The following GALNT2 variants were observed in gnomAD, a reference collection of about 807,000 sequenced individuals.
GALNT2 encodes UDP-GalNAc:polypeptide N-acetylgalactosaminyltransferase 2.
Under a neutral mutation model 81.4 loss-of-function variants are expected in GALNT2, and 31 were observed. That is an observed-to-expected ratio of 0.38 (90% confidence interval 0.29 to 0.51). The LOEUF is 0.51. GALNT2 is among the 20% of genes least tolerant of loss of function. GALNT2 has a pLI of 0.87. For missense variants in GALNT2, 629 were observed against 765.7 expected (o/e 0.82, Z 2.11); for synonymous variants, 303 against 287.4 (o/e 1.05, Z -0.55).
At chr1:230,197,288 T>C (rs1195070249) in intron 2 of GALNT2, among the ~76,000 whole-genome samples, 1 of 152,038 alleles carries the variant, frequency 6.6e-6, no homozygotes, top group East Asian at 1.9e-4. Flanking sequence ...CACAGCGCTA[T>C]GGGGAGGGCG....
chr1:230,143,825 C>G (rs1484909005), intron 1 of GALNT2, among the ~76,000 whole-genome samples: 1 of 152,218 alleles, frequency 6.6e-6, no homozygotes, highest in Non-Finnish European at 1.5e-5. Context: ...AACTGTCGCC[C>G]TGCTCAGCGA....
intron 1 of GALNT2, among the ~76,000 whole-genome samples, chr1:230,114,357 A>G (rs1420575893): frequency 1.3e-5 from 2 of 152,220 alleles, no homozygotes; most frequent in Non-Finnish European, 2.9e-5. Flanking sequence ...TGAGCCCTGG[A>G]AGAAGAGAAC....
At chr1:230,190,164 G>A (rs1294968658) in intron 2 of GALNT2, among the ~76,000 whole-genome samples, 1 of 152,220 alleles carries the variant, frequency 6.6e-6, no homozygotes, top group Non-Finnish European at 1.5e-5. Context: ...AGCAAGCAAT[G>A]TGTGTATTGT....
chr1:230,192,039 C>T (rs938000027), intron 2 of GALNT2, among the ~76,000 whole-genome samples: 1 of 152,234 alleles, frequency 6.6e-6, no homozygotes, highest in Admixed American at 6.5e-5. Context: ...GACAGGAACA[C>T]CTGCTCTCAA....
At chr1:230,249,813 A>G (rs1187811017) in intron 9 of GALNT2, among the ~76,000 whole-genome samples, 2 of 152,234 alleles carry the variant, frequency 1.3e-5, no homozygotes, top group African/African-American at 4.8e-5. Context: ...TTCACAGAGT[A>G]CTTAGCGCTG....
chr1:230,234,630 T>A (rs1164695529), intron 3 of GALNT2, among the ~76,000 whole-genome samples: 1 of 152,202 alleles, frequency 6.6e-6, no homozygotes. Context: ...CCAAAGCCTC[T>A]TTTCCAAGCT....
At chr1:230,107,462 C>T (rs548404962) in intron 1 of GALNT2, among the ~76,000 whole-genome samples, 1 of 152,254 alleles carries the variant, frequency 6.6e-6, no homozygotes, top group African/African-American at 2.4e-5. Context: ...CACCTGTAGT[C>T]CCACCTACTC....
At chr1:230,236,813 A>G in intron 6 of GALNT2, 88 bp downstream of exon 6, 1 of 1,316,246 alleles carries the variant, frequency 7.6e-7, no homozygotes, top group African/African-American at 1.5e-5. Flanking sequence ...TCAAAGAGCA[A>G]TTAATTGTCT....
intron 1 of GALNT2, among the ~76,000 whole-genome samples, chr1:230,129,904 T>C (rs554131982): frequency 6.6e-6 from 1 of 152,354 alleles, no homozygotes; most frequent in East Asian, 1.9e-4. Flanking sequence ...GCCAAGCTCC[T>C]GGCTCCGCAG....
intron 1 of GALNT2, among the ~76,000 whole-genome samples, chr1:230,123,841 C>T (rs1048973218): frequency 5.3e-5 from 8 of 152,178 alleles, no homozygotes; most frequent in Admixed American, 3.3e-4. Context: ...TCTCAGCATG[C>T]GTGGTTTTGA....
intron 1 of GALNT2, among the ~76,000 whole-genome samples, chr1:230,165,269 C>G (rs1470378045): frequency 1.3e-5 from 2 of 152,156 alleles, no homozygotes; most frequent in Non-Finnish European, 2.9e-5. Flanking sequence ...AACTTTGTCT[C>G]CTGCTTTTTC....
intron 1 of GALNT2, among the ~76,000 whole-genome samples, chr1:230,058,700 A>C (rs1005257982): frequency 6.6e-6 from 1 of 152,192 alleles, no homozygotes; most frequent in Non-Finnish European, 1.5e-5. Context: ...CGATTCCTTT[A>C]ACCTAAATCA....
Position 230,243,185 on chromosome 1 carries a change from A to G in GALNT2, c.608-121A>G. On this transcript the variant is annotated intron_variant, in intron 6 of 15. Transcript: ENST00000366672. The surrounding 1 kb of genome is among the most constrained non-coding windows in gnomAD (Gnocchi z 4.2). ...GATCTCATCCAGCAAGTTTACAGTA[A>G]TGTCCGTGCCCAGAAAGCAGGCTGC... 1 of 1,306,058 alleles carries G rather than the reference A, an allele frequency of 7.7e-7. No individual in the cohort carries two copies. Among genetic ancestry groups the G allele is most frequent in the Non-Finnish European group, 1.0e-6 (1 of 973,592 alleles). The allele number at this position is 1,306,058 out of a possible 1,614,324, so 80.9% of individuals were successfully genotyped here.
At position 230,200,071 on chromosome 1, in the gene GALNT2, T is replaced by C. The variant is rs573243391; in HGVS notation, c.221-3066T>C. ...TTTAATTCTTTTTTTTCTTTTTTTT[T>C]TTTTTTTTTGAGATGGAGTCTTGCA... On this transcript the variant is annotated intron_variant, in intron 2 of 15. Coordinates refer to ENST00000366672, the MANE Select transcript of GALNT2 (RefSeq NM_004481.5). 8.4e-4 allele frequency among the ~76,000 whole-genome samples: 124 copies of C among 148,036 alleles called. 2 individuals carry two copies. In the Middle Eastern group the frequency reaches 0.014, roughly 17 times the overall value.
chr1:230,279,471 G>C lies in GALNT2; in HGVS notation c.*13G>C, dbSNP rs1427505188. The stretch of plus-strand genomic sequence containing the variant: ...CCTGCAGCAGTAGGAGGGTCCGGGA[G>C]GCCCTGCCGTCCTGTCTCCTGCACC... On this transcript the variant is annotated 3_prime_UTR_variant, in exon 16 of 16. Transcript: ENST00000366672. This position sits in a 1 kb window ranked among gnomAD's most constrained non-coding sequence, Gnocchi z 4.6. 1 of 1,612,296 alleles carries C rather than the reference G, an allele frequency of 6.2e-7. No individual in the cohort carries two copies.
At chr1:230,081,578 G>A (rs1439131138) in intron 1 of GALNT2, among the ~76,000 whole-genome samples, 1 of 152,184 alleles carries the variant, frequency 6.6e-6, no homozygotes, top group African/African-American at 2.4e-5. Context: ...AACTGCAGAT[G>A]AGTGACAAGT....
At chr1:230,083,824 A>G (rs1440755939) in intron 1 of GALNT2, among the ~76,000 whole-genome samples, 5 of 152,056 alleles carry the variant, frequency 3.3e-5, no homozygotes, top group Non-Finnish European at 7.4e-5. Flanking sequence ...AAGGGTTGGA[A>G]ATCCTGGTGG....
chr1:230,261,199 G>A (rs6656610), intron 11 of GALNT2, among the ~76,000 whole-genome samples: 2,079 of 151,820 alleles, frequency 0.014, 54 homozygotes, highest in African/African-American at 0.048. Flanking sequence ...AGAGCTGCTG[G>A]GTCAGAGAAT....
chr1:230,147,577 C>T (rs1204092155), intron 1 of GALNT2, among the ~76,000 whole-genome samples: 1 of 152,236 alleles, frequency 6.6e-6, no homozygotes, highest in Non-Finnish European at 1.5e-5. Context: ...TTCTTTTCTT[C>T]TCTGTTGTAA....
Sources: allele counts gnomAD v4.1 joint callset (sites outside exome capture counted in the v4.1 genomes callset), GRCh38; gene constraint gnomAD v4.1.1; non-coding constraint Gnocchi (gnomAD v3.1); transcripts MANE v1.5; gene names NCBI Gene and HGNC (gene_info 2026-07-23, HGNC 2026-07-21).